The following MEGF6 variants were observed in gnomAD, a reference collection of about 807,000 sequenced individuals.
MEGF6 encodes the protein multiple epidermal growth factor-like domains protein 6.
In MEGF6, 184 loss-of-function variants were observed where a neutral mutation model predicts 207.1. The observed-to-expected ratio is 0.89, with a 90% CI of 0.79 to 1.00. MEGF6 has a LOEUF of 1.00. Among genes scored for constraint, MEGF6 ranks in the 50% least tolerant of loss-of-function variants. The pLI is 0.00. For missense variants in MEGF6, 2,282 were observed against 2,202.9 expected, an observed-to-expected ratio of 1.04 and a Z score of -0.72; for synonymous variants, 1,038 against 910.0, an observed-to-expected ratio of 1.14 and a Z score of -2.53.
In MEGF6 at chr1:3,505,129, T is replaced by A. The variant is rs1641052830; in HGVS notation, c.2188+79A>T. ...GATAGTGACAGCTGTGCAGCCCTTC[T>A]GAAGCCTACCCTCCAGCCAGGCAGG... On this transcript the variant is annotated intron_variant, in intron 17 of 36. Transcript: ENST00000356575. 3.2e-6 allele frequency: 5 copies of A among 1,557,380 alleles called. No individual in the cohort carries two copies. In the East Asian group the frequency reaches 9.0e-5, roughly 28 times the overall value.
At chr1:3,493,932 C>T (rs1404999661) in intron 33 of MEGF6, 33 bp from the exon 34 acceptor site, 1 of 1,582,336 alleles carries the variant, frequency 6.3e-7, no homozygotes, top group Non-Finnish European at 8.6e-7. Context: ...TGTCCCCCTC[C>T]TGTCCTGCAC....
At chr1:3,528,149 C>CA (rs1642027844) in intron 4 of MEGF6, among the ~76,000 whole-genome samples, 1 of 152,254 alleles carries the variant, frequency 6.6e-6, no homozygotes, top group African/African-American at 2.4e-5. Flanking sequence ...ACTTGGACGA[C>CA]AGAGGCCTAC....
Position 3,501,922 on chromosome 1 carries a change from C to G in MEGF6, c.2189-1G>C. On this transcript the variant is annotated splice_acceptor_variant, in intron 17 of 36. Transcript: ENST00000356575. LOFTEE classifies it high-confidence loss of function. Reference sequence around the variant, plus strand: ...ACGCCAAACGTCCCCACCGGGCACTCTGCAGGAGAAAGCACGAGGGGCCTT... The same window carrying G: ...ACGCCAAACGTCCCCACCGGGCACTGTGCAGGAGAAAGCACGAGGGGCCTT... 1 of 1,593,402 alleles carries G rather than the reference C, an allele frequency of 6.3e-7. No homozygotes were observed. The highest frequency in any genetic ancestry group is 8.5e-7 in the Non-Finnish European group (1 of 1,171,076).
rs775124579 is a variant in MEGF6, at chr1:3,501,225, C to T, written c.2398G>A (p.Gly800Arg). The T allele has an allele frequency of 5.0e-5, 81 of 1,611,960 alleles. No homozygotes were observed. Among genetic ancestry groups the T allele is most frequent in the African/African-American group, 1.1e-4 (8 of 74,906 alleles). ...QHAARCDPET[G>R]ACLCLPGFVG... ...AAGCCAGGGAGGCACAGGCAGGCTCCGGTCTCAGGGTCGCAGCGGGCAGCG... is the reference window on the plus strand; with the variant it reads ...AAGCCAGGGAGGCACAGGCAGGCTCTGGTCTCAGGGTCGCAGCGGGCAGCG... The change falls in exon 19 of 37, where the codon GGA becomes AGA. Residue 800 changes from glycine (G) to arginine (R), a missense_variant. Physicochemically the swap from Gly to Arg is moderately radical, Grantham distance 125 (BLOSUM62 -2). Coordinates refer to ENST00000356575, the MANE Select transcript of MEGF6 (RefSeq NM_001409.4).
chr1:3,515,261 G>A, intron 6 of MEGF6, 141 bp downstream of exon 6: 2 of 1,027,114 alleles, frequency 1.9e-6, no homozygotes, highest in Non-Finnish European at 2.8e-6. Context: ...TGAGCTTCCT[G>A]GCCCCAAATG....
the MEGF6 span, chr1:3,623,493 C>G: frequency 6.6e-6 from 1 of 152,316 alleles, no homozygotes; most frequent in African/African-American, 2.4e-5. Flanking sequence ...CCTGACCACT[C>G]TTTTCTGGGC....
At chr1:3,541,966 C>G (rs1262878032) in intron 4 of MEGF6, among the ~76,000 whole-genome samples, 1 of 152,254 alleles carries the variant, frequency 6.6e-6, no homozygotes, top group Non-Finnish European at 1.5e-5. Context: ...CAGCTCCACC[C>G]TGGAAGCCCC....
rs1640261924 is a variant in MEGF6, at chr1:3,489,372, A to AG, written c.*1155dup. 6.6e-6 allele frequency among the ~76,000 whole-genome samples: 1 copy of AG among 152,190 alleles called. No homozygotes were observed. Among genetic ancestry groups the AG allele is most frequent in the Admixed American group, 6.5e-5 (1 of 15,282 alleles). ...AAGGGGGCCTTCTTAAGGGAGAGAG[A>AG]GTCCTATGTTGCGGTGTGAGTGCAG... is the stretch of plus-strand genomic sequence containing the variant. On this transcript the variant is annotated 3_prime_UTR_variant, in exon 37 of 37. Coordinates refer to ENST00000356575, the MANE Select transcript of MEGF6 (RefSeq NM_001409.4).
intron 4 of MEGF6, among the ~76,000 whole-genome samples, chr1:3,543,164 G>A (rs912276298): frequency 1.3e-5 from 2 of 152,214 alleles, no homozygotes; most frequent in Non-Finnish European, 2.9e-5. Flanking sequence ...GCCTGGAGAC[G>A]CTCCCAGGGC....
chr1:3,616,425 G>A (rs749917646), upstream of MEGF6, among the ~76,000 whole-genome samples: 22 of 152,068 alleles, frequency 1.4e-4, no homozygotes, highest in South Asian at 4.2e-4. Context: ...GCCCCGTACC[G>A]CCCCGGTCTG....
At chr1:3,620,616 G>A in the MEGF6 span, among the ~76,000 whole-genome samples, 8 of 152,228 alleles carry the variant, frequency 5.3e-5, no homozygotes, top group Admixed American at 4.6e-4. Flanking sequence ...TGGGGTGGGA[G>A]CCTCCACACA....
rs1570222061 is a variant in MEGF6 at position 3,594,089 on chromosome 1, C to T, written c.376+1249G>A. Among the ~76,000 whole-genome samples the T allele has an allele frequency of 6.6e-6, 1 of 152,210 alleles. No individual in the cohort carries two copies. The highest frequency in any genetic ancestry group is 1.9e-4 in the East Asian group (1 of 5,188). ...AGGACCCCTAGAGCTGGGTTCTGTT[C>T]CTGTCACCGGAGCCCAGGGGAGCCC... is the stretch of plus-strand genomic sequence containing the variant. On this transcript the variant is annotated intron_variant, in intron 3 of 36. Coordinates refer to ENST00000356575, the MANE Select transcript of MEGF6 (RefSeq NM_001409.4). This position sits in a 1 kb window ranked among gnomAD's most constrained non-coding sequence, Gnocchi z 4.2.
intron 5 of MEGF6, among the ~76,000 whole-genome samples, chr1:3,521,277 C>T (rs1476721674): frequency 6.6e-6 from 1 of 152,182 alleles, no homozygotes; most frequent in African/African-American, 2.4e-5. Flanking sequence ...AGAAGATGCC[C>T]CCACACTGAG....
intron 5 of MEGF6, among the ~76,000 whole-genome samples, chr1:3,519,473 C>T (rs866649618): frequency 2.4e-4 from 37 of 152,258 alleles, no homozygotes; most frequent in African/African-American, 8.4e-4. Context: ...CCGCCACACG[C>T]GCCTACTCGC....
At chr1:3,504,555 C>T (rs911057072) in intron 17 of MEGF6, among the ~76,000 whole-genome samples, 7 of 152,070 alleles carry the variant, frequency 4.6e-5, no homozygotes. Flanking sequence ...CTTGGCAAAG[C>T]CCCCAGCCCC....
intron 5 of MEGF6, among the ~76,000 whole-genome samples, chr1:3,517,006 G>A (rs1641565892): frequency 6.6e-6 from 1 of 152,248 alleles, no homozygotes; most frequent in Admixed American, 6.5e-5. Flanking sequence ...TGGCCCCCAG[G>A]CCCGGCCTGC....
intron 35 of MEGF6, among the ~76,000 whole-genome samples, chr1:3,491,759 G>A (rs1481891404): frequency 7.4e-6 from 1 of 136,054 alleles, no homozygotes; most frequent in Non-Finnish European, 1.6e-5. Flanking sequence ...CCGCTGGGGG[G>A]TACACGGTGC....
chr1:3,604,462 G>A (rs529135002), intron 1 of MEGF6, among the ~76,000 whole-genome samples: 1 of 152,300 alleles, frequency 6.6e-6, no homozygotes, highest in East Asian at 1.9e-4. Flanking sequence ...CTCCAGCTAG[G>A]CGGGATCAGC....
intron 1 of MEGF6, among the ~76,000 whole-genome samples, chr1:3,607,126 G>A (rs1644260729): frequency 6.6e-6 from 1 of 151,922 alleles, no homozygotes; most frequent in African/African-American, 2.4e-5. Flanking sequence ...CCCCTCAGAA[G>A]GGCCTTCTTG....
Sources: allele counts gnomAD v4.1 joint callset (sites outside exome capture counted in the v4.1 genomes callset), GRCh38; gene constraint gnomAD v4.1.1; non-coding constraint Gnocchi (gnomAD v3.1); transcripts MANE v1.5; gene names NCBI Gene and HGNC (gene_info 2026-07-23, HGNC 2026-07-21).